TMEM132D: variants seen among roughly 807,000 people sequenced by gnomAD.
The protein encoded by TMEM132D is mature OL transmembrane protein.
In TMEM132D, 21 loss-of-function variants were observed where a neutral mutation model predicts 62.3. The ratio of observed to expected loss-of-function variants is 0.34; its 90% confidence interval spans 0.24 to 0.49. The LOEUF (loss-of-function observed/expected upper bound fraction) is 0.49. Among genes scored for constraint, TMEM132D ranks in the 20% least tolerant of loss-of-function variants. The probability of loss-of-function intolerance (pLI) is 0.99; values close to 1 mark genes in which losing one functional copy is unlikely to be tolerated. For synonymous variants in TMEM132D, 621 were observed against 575.6 expected (o/e 1.08, Z -1.13); for missense variants, 1,346 against 1,402.8 (o/e 0.96, Z 0.65).
At chr12:129,540,281 G>A (rs1374157528) in intron 2 of TMEM132D, among the ~76,000 whole-genome samples, 3 of 152,048 alleles carry the variant, frequency 2.0e-5, no homozygotes, top group Non-Finnish European at 4.4e-5. Context: ...CAGGGAGAAG[G>A]GGCTGCACAC....
intron 3 of TMEM132D, among the ~76,000 whole-genome samples, chr12:129,508,916 T>C (rs755241719): frequency 7.9e-4 from 81 of 102,806 alleles, no homozygotes; most frequent in South Asian, 2.4e-3. Flanking sequence ...GATCTTATCA[T>C]TTTGCATGAG....
chr12:129,724,077 A>G (rs1011541895), intron 1 of TMEM132D, among the ~76,000 whole-genome samples: 2 of 152,230 alleles, frequency 1.3e-5, no homozygotes, highest in Non-Finnish European at 2.9e-5. Flanking sequence ...CAGGAAAGTC[A>G]GAGTCAGAGG....
chr12:129,702,198 G>A (rs1246611300), intron 1 of TMEM132D, among the ~76,000 whole-genome samples: 3 of 152,284 alleles, frequency 2.0e-5, no homozygotes, highest in East Asian at 1.9e-4. Flanking sequence ...ACTCAGAGCA[G>A]GCTGAGCTTC....
At chr12:129,690,595 A>G (rs1286643405) in intron 2 of TMEM132D, among the ~76,000 whole-genome samples, 1 of 152,228 alleles carries the variant, frequency 6.6e-6, no homozygotes, top group Non-Finnish European at 1.5e-5. Context: ...TATCAGGGAT[A>G]AAGAGGAAGC....
chr12:129,490,596 ATTTTTTTTTTTTTTTTTTTTT>A (rs35535325), intron 3 of TMEM132D, among the ~76,000 whole-genome samples: 8 of 71,112 alleles, frequency 1.1e-4, no homozygotes, highest in African/African-American at 5.7e-4. Flanking sequence ...CGCCCGGCTA[ATTTTTTTTTTTTTTTTTTTTT>A]TTTTTTTTTG....
chr12:129,176,254 C>T (rs1450087167), intron 5 of TMEM132D, among the ~76,000 whole-genome samples: 1 of 152,184 alleles, frequency 6.6e-6, no homozygotes, highest in African/African-American at 2.4e-5. Context: ...GGCAAAATCT[C>T]CCTCACTGTT....
intron 1 of TMEM132D, among the ~76,000 whole-genome samples, chr12:129,729,583 G>A (rs967496662): frequency 6.6e-6 from 1 of 151,632 alleles, no homozygotes; most frequent in Non-Finnish European, 1.5e-5. Flanking sequence ...CTGAGTCTGC[G>A]ACATCTGCCT....
intron 3 of TMEM132D, among the ~76,000 whole-genome samples, chr12:129,512,425 A>G (rs969442058): frequency 1.3e-5 from 2 of 152,228 alleles, no homozygotes; most frequent in Non-Finnish European, 2.9e-5. Context: ...AAAAGAGACG[A>G]GCCCTTCTTA....
At chr12:129,464,289 G>T (rs1185764450) in intron 3 of TMEM132D, among the ~76,000 whole-genome samples, 1 of 152,206 alleles carries the variant, frequency 6.6e-6, no homozygotes, top group African/African-American at 2.4e-5. Flanking sequence ...AGAAGTGTCT[G>T]TTCATATCCT....
intron 5 of TMEM132D, among the ~76,000 whole-genome samples, chr12:129,120,818 C>T (rs190605216): frequency 6.6e-6 from 1 of 152,220 alleles, no homozygotes; most frequent in East Asian, 1.9e-4. Flanking sequence ...TTAATTTACA[C>T]ACAGTGCAGT....
At chr12:129,394,081 T>C (rs940086844) in intron 3 of TMEM132D, among the ~76,000 whole-genome samples, 2 of 152,186 alleles carry the variant, frequency 1.3e-5, no homozygotes, top group African/African-American at 4.8e-5. Flanking sequence ...ATTAAACAGC[T>C]TCATTCTCAA....
intron 1 of TMEM132D, among the ~76,000 whole-genome samples, chr12:129,833,591 C>T (rs1872911619): frequency 2.0e-5 from 3 of 152,158 alleles, no homozygotes; most frequent in Non-Finnish European, 4.4e-5. Context: ...CGCCACTGTT[C>T]TCCAGCCTGG....
chr12:129,206,763 T>C (rs542791150), intron 5 of TMEM132D, among the ~76,000 whole-genome samples: 2 of 152,292 alleles, frequency 1.3e-5, no homozygotes, highest in East Asian at 1.9e-4. Flanking sequence ...CATGGAATAC[T>C]ATGCAGCCAT....
In TMEM132D at chr12:129,209,963, G is replaced by A. The variant is rs1395950383; in HGVS notation, c.1300-300C>T. On this transcript the variant is annotated intron_variant, in intron 4 of 8. Transcript: ENST00000422113. The stretch of plus-strand genomic sequence containing the variant: ...AAACACTTATGTGTCAGGCACCCTT[G>A]TAAGTGCTTTACAAATATCGGCTCG... 6 of 333,960 alleles carry A rather than the reference G, an allele frequency of 1.8e-5. No individual in the cohort carries two copies. The East Asian group carries it at 3.4e-4, about 19-fold the overall frequency. The allele number at this position is 333,960 out of a possible 1,614,324, so 20.7% of individuals were successfully genotyped here. A position where few individuals can be genotyped will look rare whatever the true frequency, so the allele number is the denominator to read the frequency against.
chr12:129,230,022 C>G (rs868854077), intron 4 of TMEM132D, among the ~76,000 whole-genome samples: 21 of 152,112 alleles, frequency 1.4e-4, no homozygotes, highest in African/African-American at 4.6e-4. Flanking sequence ...TGTCTTCTGC[C>G]CACACTAATT....
intron 2 of TMEM132D, among the ~76,000 whole-genome samples, chr12:129,553,357 C>A (rs573427817): frequency 6.6e-6 from 1 of 152,156 alleles, no homozygotes; most frequent in Non-Finnish European, 1.5e-5. Context: ...CTGCTCTGTG[C>A]GTGTCTGTGC....
chr12:129,388,021 C>T (rs1871162533), intron 3 of TMEM132D, among the ~76,000 whole-genome samples: 1 of 105,220 alleles, frequency 9.5e-6, no homozygotes, highest in South Asian at 4.0e-4. Context: ...AATACTAACA[C>T]CAACACCAAT....
intron 4 of TMEM132D, among the ~76,000 whole-genome samples, chr12:129,313,508 T>C (rs565617997): frequency 6.6e-6 from 1 of 152,102 alleles, no homozygotes. Flanking sequence ...CATTCCTTTT[T>C]ATGGCTGTGT....
intron 3 of TMEM132D, among the ~76,000 whole-genome samples, chr12:129,359,964 G>A (rs1474770272): frequency 1.3e-5 from 2 of 151,076 alleles, no homozygotes; most frequent in African/African-American, 4.9e-5. Flanking sequence ...AATAGGCCAA[G>A]CTAAATTATA....
Sources: gnomAD v4.1 joint callset for allele counts (sites outside exome capture counted in the v4.1 genomes callset) on GRCh38, gnomAD v4.1.1 for gene constraint, MANE v1.5 for transcripts, NCBI Gene and HGNC (gene_info 2026-07-23, HGNC 2026-07-21) for gene names.